The following CAB39 variants were observed in gnomAD, a reference collection of about 807,000 sequenced individuals.
CAB39 encodes the protein calcium-binding protein 39.
A neutral mutation model predicts 40.0 loss-of-function variants in CAB39; 8 were observed. The ratio of observed to expected loss-of-function variants is 0.20; its 90% confidence interval spans 0.12 to 0.36. The LOEUF (loss-of-function observed/expected upper bound fraction) is 0.36, where lower values mean the gene tolerates loss of function less well. CAB39 is among the 10% of genes least tolerant of loss of function. The probability of loss-of-function intolerance (pLI) is 1.00; values close to 1 mark genes in which losing one functional copy is unlikely to be tolerated. For missense variants in CAB39, 270 were observed against 401.1 expected, an observed-to-expected ratio of 0.67 and a Z score of 2.79; for synonymous variants, 156 against 141.6, an observed-to-expected ratio of 1.10 and a Z score of -0.72.
intron 5 of CAB39, among the ~76,000 whole-genome samples, chr2:230,805,268 G>T (rs889192200): frequency 6.6e-6 from 1 of 151,918 alleles, no homozygotes; most frequent in African/African-American, 2.4e-5. Flanking sequence ...CGGGGTGGGG[G>T]AGGGATAGCA....
chr2:230,791,995 A>T (rs1014876269), intron 3 of CAB39, among the ~76,000 whole-genome samples: 1 of 152,192 alleles, frequency 6.6e-6, no homozygotes, highest in Non-Finnish European at 1.5e-5. Flanking sequence ...TGCTTGAAAG[A>T]CAGGTACATG....
At position 230,818,549 on chromosome 2, in the gene CAB39, A is replaced by C; in HGVS notation, c.871A>C (p.Ile291Leu). The C allele has an allele frequency of 6.2e-7, 1 of 1,614,170 alleles. No homozygotes were observed. Among genetic ancestry groups the C allele is most frequent in the Non-Finnish European group, 8.5e-7 (1 of 1,180,036 alleles). The change falls in exon 9 of 9, where the codon ATC becomes CTC. Residue 291 changes from isoleucine (I) to leucine (L), a missense_variant. Coordinates refer to ENST00000258418, the MANE Select transcript of CAB39 (RefSeq NM_016289.4). Reference protein sequence around the residue: ...FVANPNKTQPILDILLKNQAK... With the variant: ...FVANPNKTQPLLDILLKNQAK... ...AGCCAATCCTAACAAGACGCAGCCC[A>C]TCCTAGACATCCTCCTCAAGAACCA... is the stretch of plus-strand genomic sequence containing the variant.
chr2:230,737,029 C>G (rs1020042857), intron 1 of CAB39, among the ~76,000 whole-genome samples: 1 of 152,146 alleles, frequency 6.6e-6, no homozygotes, highest in Admixed American at 6.5e-5. Flanking sequence ...CAAAACTTAA[C>G]CAGGACTTGA....
chr2:230,733,088 A>G (rs1694723742), intron 1 of CAB39, among the ~76,000 whole-genome samples: 1 of 152,210 alleles, frequency 6.6e-6, no homozygotes. Flanking sequence ...AGAAATGGAC[A>G]TGCACAGGAA....
At position 230,810,333 on chromosome 2, in the gene CAB39, G is replaced by T. The variant is rs1696282122; in HGVS notation, c.627+11G>T. 3.9e-6 allele frequency: 4 copies of T among 1,036,786 alleles called. No individual in the cohort carries two copies. Among genetic ancestry groups the T allele is most frequent in the South Asian group, 3.4e-5 (2 of 58,636 alleles). 64.2% of individuals were successfully genotyped at this position (1,036,786 alleles called of 1,614,324 possible). ...CAGCATTATGATAGAGTAAGTATAT[G>T]AAATACTATTTTTAAATAATAAATT... is the stretch of plus-strand genomic sequence containing the variant. On this transcript the variant is annotated intron_variant, in intron 6 of 8. Coordinates refer to ENST00000258418, the MANE Select transcript of CAB39 (RefSeq NM_016289.4).
intron 6 of CAB39, 125 bp downstream of exon 6, chr2:230,810,447 C>T (rs976414779): frequency 9.5e-6 from 4 of 419,952 alleles, no homozygotes; most frequent in Admixed American, 4.5e-5. Flanking sequence ...TAAATGGTGC[C>T]GTAGTTATTT....
chr2:230,796,092 T>C (rs575407450), intron 4 of CAB39, among the ~76,000 whole-genome samples: 1 of 152,306 alleles, frequency 6.6e-6, no homozygotes, highest in South Asian at 2.1e-4. Context: ...CCTTGCTTTC[T>C]GGCGTAGGAT....
intron 1 of CAB39, among the ~76,000 whole-genome samples, chr2:230,717,841 G>A (rs114506384): frequency 0.031 from 4,712 of 152,272 alleles, 240 homozygotes; most frequent in African/African-American, 0.11. Context: ...TAGCAGCTGT[G>A]ATGTTAAGCC....
chr2:230,724,911 G>C (rs991206698), intron 1 of CAB39, among the ~76,000 whole-genome samples: 2 of 151,906 alleles, frequency 1.3e-5, no homozygotes, highest in Non-Finnish European at 2.9e-5. Context: ...AGGAAAGCTG[G>C]TAACTGTCAC....
At chr2:230,753,049 A>G (rs549489646) in intron 1 of CAB39, among the ~76,000 whole-genome samples, 1 of 152,222 alleles carries the variant, frequency 6.6e-6, no homozygotes, top group Non-Finnish European at 1.5e-5. Context: ...GTGACAGCCA[A>G]GAGTGGAACC....
At chr2:230,752,873 G>C (rs185415891) in intron 1 of CAB39, among the ~76,000 whole-genome samples, 2 of 152,316 alleles carry the variant, frequency 1.3e-5, no homozygotes, top group Non-Finnish European at 2.9e-5. Context: ...CCATTCACTG[G>C]GAAGGGGAAC....
At chr2:230,754,473 C>T (rs938968233) in intron 1 of CAB39, among the ~76,000 whole-genome samples, 1 of 128,558 alleles carries the variant, frequency 7.8e-6, no homozygotes, top group Non-Finnish European at 1.8e-5. Context: ...TTCTTCCCCT[C>T]CTACTCCTTC....
At chr2:230,769,255 CAAAAT>C (rs1695441943) in intron 2 of CAB39, among the ~76,000 whole-genome samples, 1 of 152,092 alleles carries the variant, frequency 6.6e-6, no homozygotes, top group Non-Finnish European at 1.5e-5. Flanking sequence ...CAAATTAAAG[CAAAAT>C]AAAACCTGAT....
Position 230,821,070 on chromosome 2 carries a change from A to C in CAB39, c.*2366A>C, listed in dbSNP as rs1696501673. On this transcript the variant is annotated 3_prime_UTR_variant, in exon 9 of 9. Coordinates refer to ENST00000258418, the MANE Select transcript of CAB39 (RefSeq NM_016289.4). ...TAAATTAAAATAAAATTTTGGAGAA[A>C]CAGCATTGTCTGTCTTTATGATGTG... The C allele has an allele frequency of 6.6e-6, 1 of 152,490 alleles. No homozygotes were observed. Among genetic ancestry groups the C allele is most frequent in the Admixed American group, 6.5e-5 (1 of 15,304 alleles). The allele number at this position is 152,490 out of a possible 1,614,324, so 9.4% of individuals were successfully genotyped here. A position where few individuals can be genotyped will look rare whatever the true frequency, so the allele number is the denominator to read the frequency against.
At chr2:230,776,700 T>TC (rs11297513) in intron 2 of CAB39, among the ~76,000 whole-genome samples, 96 of 150,052 alleles carry the variant, frequency 6.4e-4, no homozygotes, top group South Asian at 1.7e-3. Context: ...CTTTTTTTCT[T>TC]CCCCCCCCGA....
intron 2 of CAB39, among the ~76,000 whole-genome samples, chr2:230,790,212 A>T (rs1695869403): frequency 6.6e-6 from 1 of 151,772 alleles, no homozygotes; most frequent in South Asian, 2.1e-4. Context: ...ACTGCACTCC[A>T]GGCCTGGGCG....
chr2:230,733,141 A>G (rs893288584), intron 1 of CAB39, among the ~76,000 whole-genome samples: 19 of 152,210 alleles, frequency 1.2e-4, no homozygotes, highest in African/African-American at 4.6e-4. Context: ...ACAGATTAGT[A>G]GGGGTGGCCA....
intron 2 of CAB39, among the ~76,000 whole-genome samples, chr2:230,765,203 A>G (rs1695364441): frequency 6.6e-6 from 1 of 152,052 alleles, no homozygotes; most frequent in Non-Finnish European, 1.5e-5. Flanking sequence ...GTTGGCCAGG[A>G]TGGTCTCGAT....
chr2:230,748,035 G>T (rs533334711), intron 1 of CAB39, among the ~76,000 whole-genome samples: 1 of 151,374 alleles, frequency 6.6e-6, no homozygotes, highest in East Asian at 1.9e-4. Context: ...TTGTTTATTT[G>T]AATCAGGATC....
Sources: allele counts gnomAD v4.1 joint callset (sites outside exome capture counted in the v4.1 genomes callset), GRCh38; gene constraint gnomAD v4.1.1; transcripts MANE v1.5; gene names NCBI Gene and HGNC (gene_info 2026-07-23, HGNC 2026-07-21).